ZMIZ1: variants seen among roughly 807,000 people sequenced by gnomAD.
The protein encoded by ZMIZ1 is zinc finger MIZ-type containing 1, also known as zinc finger MIZ domain-containing protein 1.
ZMIZ1 carries 17 observed loss-of-function variants against 113.9 expected under a neutral mutation model. The ratio of observed to expected loss-of-function variants is 0.15; its 90% confidence interval spans 0.10 to 0.22. ZMIZ1 has a LOEUF of 0.22. Ranked by LOEUF, ZMIZ1 falls within the 10% of genes least tolerant of loss-of-function variation. The probability of loss-of-function intolerance (pLI) is 1.00; values close to 1 mark genes in which losing one functional copy is unlikely to be tolerated. For missense variants in ZMIZ1, 1,059 were observed against 1,477.8 expected (o/e 0.72, Z 4.65); for synonymous variants, 607 against 603.1 (o/e 1.01, Z -0.09).
chr10:79,293,927 C>T (rs1853695165), intron 12 of ZMIZ1: 9 of 556,288 alleles, frequency 1.6e-5, no homozygotes, highest in Admixed American at 3.1e-5. Flanking sequence ...TGGCATGTGC[C>T]GCCACTCAGC....
chr10:79,099,281 G>A (rs964792931), intron 1 of ZMIZ1, among the ~76,000 whole-genome samples: 5 of 152,074 alleles, frequency 3.3e-5, no homozygotes, highest in African/African-American at 4.8e-5. Context: ...GGATACCAGC[G>A]CTCCTTGAGA....
intron 2 of ZMIZ1, among the ~76,000 whole-genome samples, chr10:79,134,944 G>A (rs1048863698): frequency 2.0e-5 from 3 of 151,952 alleles, no homozygotes; most frequent in Non-Finnish European, 2.9e-5. Flanking sequence ...TCAGCCTCCC[G>A]AGTAGCTGGG....
At chr10:79,291,215 A>C (rs1447402106) in intron 10 of ZMIZ1, 39 bp downstream of exon 10, 1 of 1,552,018 alleles carries the variant, frequency 6.4e-7, no homozygotes, top group Non-Finnish European at 8.7e-7. Context: ...CATGGACGCC[A>C]CCCCTCTTCC....
chr10:79,074,371 G>T (rs1202568676), intron 1 of ZMIZ1, among the ~76,000 whole-genome samples: 4 of 152,198 alleles, frequency 2.6e-5, no homozygotes. Flanking sequence ...CTCAGGAAGG[G>T]TCACAGATGG....
At chr10:79,141,306 G>T (rs552361547) in intron 3 of ZMIZ1, among the ~76,000 whole-genome samples, 1 of 152,310 alleles carries the variant, frequency 6.6e-6, no homozygotes, top group East Asian at 1.9e-4. Flanking sequence ...CCCTTACGGC[G>T]CTTGTACTCT....
chr10:79,305,732 C>T (rs1177244289), intron 21 of ZMIZ1, 131 bp downstream of exon 21: 4 of 921,678 alleles, frequency 4.3e-6, no homozygotes, highest in Non-Finnish European at 6.8e-6. Flanking sequence ...ACATCCCCCA[C>T]CTCTCTGTCC....
chr10:79,268,473 G>A (rs376265667), intron 7 of ZMIZ1, among the ~76,000 whole-genome samples: 5 of 152,320 alleles, frequency 3.3e-5, no homozygotes, highest in East Asian at 1.9e-4. Flanking sequence ...CCAGTTGTCC[G>A]GGTCTCAGTG....
intron 4 of ZMIZ1, among the ~76,000 whole-genome samples, chr10:79,174,165 A>T (rs182678841): frequency 6.6e-6 from 1 of 152,294 alleles, no homozygotes; most frequent in Non-Finnish European, 1.5e-5. Context: ...TGCACCCACC[A>T]GCTTTGGGGC....
intron 7 of ZMIZ1, among the ~76,000 whole-genome samples, chr10:79,270,982 A>G (rs1009037810): frequency 6.6e-6 from 1 of 152,192 alleles, no homozygotes; most frequent in African/African-American, 2.4e-5. Flanking sequence ...CCTTGCCACC[A>G]GCTGAAGCAG....
intron 7 of ZMIZ1, among the ~76,000 whole-genome samples, chr10:79,269,456 A>ACAC (rs1851803859): frequency 1.4e-5 from 2 of 138,472 alleles, no homozygotes; most frequent in Non-Finnish European, 1.6e-5. Flanking sequence ...ACCTCCCCCC[A>ACAC]ACACACACAC....
In ZMIZ1 at chr10:79,299,063, C is replaced by A; in HGVS notation, c.1680C>A (p.Asp560Glu). 1 of 1,610,334 alleles carries A rather than the reference C, an allele frequency of 6.2e-7. No homozygotes were observed. The highest frequency in any genetic ancestry group is 8.5e-7 in the Non-Finnish European group (1 of 1,178,558). ...TCCTCGCCCCAGCCAACCACAATGA[C>A]GAGCTGCGGCTCACATTCCCTGTGC... ...ALPPPPANHN[D>E]ELRLTFPVRD... Residue 560 changes from aspartate (D) to glutamate (E), a missense_variant, in exon 16 of 25, where the codon GAC becomes GAA. Physicochemically the swap from Asp to Glu is conservative, Grantham distance 45. Coordinates refer to ENST00000334512, the MANE Select transcript of ZMIZ1 (RefSeq NM_020338.4).
At chr10:79,164,110 C>G (rs537716933) in intron 4 of ZMIZ1, among the ~76,000 whole-genome samples, 180 of 152,236 alleles carry the variant, frequency 1.2e-3, no homozygotes, top group African/African-American at 4.0e-3. Context: ...GTAATCAATA[C>G]CTTGGTGTCC....
chr10:79,107,826 G>A (rs1191830072), intron 1 of ZMIZ1, among the ~76,000 whole-genome samples: 1 of 152,224 alleles, frequency 6.6e-6, no homozygotes, highest in Non-Finnish European at 1.5e-5. Context: ...GGGCTCTGCT[G>A]TAGGGTGGAG....
Position 79,247,877 on chromosome 10 carries a change from G to T in ZMIZ1, c.281-29304G>T, listed in dbSNP as rs569379171. 5.9e-5 allele frequency among the ~76,000 whole-genome samples: 9 copies of T among 152,338 alleles called. No individual in the cohort carries two copies. In the East Asian group the frequency reaches 1.2e-3, roughly 20 times the overall value. On this transcript the variant is annotated intron_variant, in intron 7 of 24. Coordinates refer to ENST00000334512, the MANE Select transcript of ZMIZ1 (RefSeq NM_020338.4). ...TGGCTCCCAACACTAGCCCTGAAGT[G>T]ATTGTATCTGTAGTCTGGTGCCAAA... is the stretch of plus-strand genomic sequence containing the variant.
At chr10:79,247,999 T>A (rs1485788400) in intron 7 of ZMIZ1, among the ~76,000 whole-genome samples, 1 of 152,106 alleles carries the variant, frequency 6.6e-6, no homozygotes, top group East Asian at 1.9e-4. Context: ...TAGACTCCAC[T>A]CCAGGGCCTC....
At chr10:79,249,182 C>A (rs2132875081) in intron 7 of ZMIZ1, among the ~76,000 whole-genome samples, 2 of 152,338 alleles carry the variant, frequency 1.3e-5, no homozygotes, top group East Asian at 3.9e-4. Flanking sequence ...AGCTCTAATG[C>A]CATGGCATGG....
chr10:79,298,047 G>A (rs929501486), intron 14 of ZMIZ1, among the ~76,000 whole-genome samples: 12 of 152,296 alleles, frequency 7.9e-5, no homozygotes, highest in Admixed American at 2.0e-4. Context: ...CCACCTGCTC[G>A]GGTGACAGGA....
chr10:79,236,353 A>C (rs1849586173), intron 7 of ZMIZ1, among the ~76,000 whole-genome samples: 1 of 152,204 alleles, frequency 6.6e-6, no homozygotes, highest in Non-Finnish European at 1.5e-5. Flanking sequence ...CCAGGCAGGC[A>C]GACAGTCCGG....
At chr10:79,070,971 A>T (rs1387282810) in intron 1 of ZMIZ1, among the ~76,000 whole-genome samples, 7 of 152,200 alleles carry the variant, frequency 4.6e-5, no homozygotes, top group Admixed American at 2.6e-4. Context: ...ATGTTCTCTC[A>T]GAGGTCCTCC....
Sources: allele counts gnomAD v4.1 joint callset (sites outside exome capture counted in the v4.1 genomes callset), GRCh38; gene constraint gnomAD v4.1.1; transcripts MANE v1.5; gene names NCBI Gene and HGNC (gene_info 2026-07-23, HGNC 2026-07-21).